GULP1: variants seen among roughly 807,000 people sequenced by gnomAD.
GULP1 encodes the protein PTB domain-containing engulfment adapter protein 1.
Under a neutral mutation model 40.9 loss-of-function variants are expected in GULP1, and 19 were observed. The observed-to-expected ratio is 0.46, with a 90% confidence interval of 0.32 to 0.68. The LOEUF (loss-of-function observed/expected upper bound fraction) is 0.68, where lower values mean the gene tolerates loss of function less well. GULP1 is among the 30% of genes least tolerant of loss of function. GULP1 has a pLI of 0.03. For missense variants in GULP1, 312 were observed against 362.2 expected (o/e 0.86, Z 1.12); for synonymous variants, 119 against 117.6 (o/e 1.01, Z -0.08).
At chr2:188,438,367 A>G (rs2057611527) in intron 2 of GULP1, among the ~76,000 whole-genome samples, 1 of 151,376 alleles carries the variant, frequency 6.6e-6, no homozygotes, top group African/African-American at 2.4e-5. Context: ...ATATAGATAT[A>G]TCACATGTAT....
chr2:188,350,468 C>T (rs1030462513), intron 1 of GULP1, among the ~76,000 whole-genome samples: 1 of 151,686 alleles, frequency 6.6e-6, no homozygotes, highest in Admixed American at 6.6e-5. Context: ...GAATGGTTTC[C>T]TTAATTTTAT....
chr2:188,447,341 C>G (rs1286689791), intron 2 of GULP1, among the ~76,000 whole-genome samples: 4 of 152,080 alleles, frequency 2.6e-5, no homozygotes, highest in Non-Finnish European at 4.4e-5. Context: ...ATCTTCCAGC[C>G]CCCATGATGG....
intron 2 of GULP1, among the ~76,000 whole-genome samples, chr2:188,468,222 G>T (rs2060288521): frequency 6.6e-6 from 1 of 152,020 alleles, no homozygotes; most frequent in Non-Finnish European, 1.5e-5. Context: ...TTTCTTTGAT[G>T]AAATTATTCA....
chr2:188,398,580 A>C (rs573925374), intron 2 of GULP1, among the ~76,000 whole-genome samples: 1 of 152,206 alleles, frequency 6.6e-6, no homozygotes, highest in Non-Finnish European at 1.5e-5. Context: ...TTATAAATTA[A>C]TTACTATTTG....
chr2:188,340,909 G>A (rs1028933040), intron 1 of GULP1, among the ~76,000 whole-genome samples: 12 of 152,198 alleles, frequency 7.9e-5, no homozygotes, highest in South Asian at 4.2e-4. Flanking sequence ...CCATCAAGCC[G>A]TCTCTCTGAA....
At chr2:188,406,203 C>A (rs2152684469) in intron 2 of GULP1, among the ~76,000 whole-genome samples, 1 of 152,182 alleles carries the variant, frequency 6.6e-6, no homozygotes, top group South Asian at 2.1e-4. Flanking sequence ...TATGGTATAG[C>A]CTATTGCTCC....
chr2:188,411,123 C>G (rs967348084), intron 2 of GULP1, among the ~76,000 whole-genome samples: 1 of 150,770 alleles, frequency 6.6e-6, no homozygotes, highest in Non-Finnish European at 1.5e-5. Flanking sequence ...ACTGGCTGAT[C>G]GGGGCATGGC....
rs111515565 is a variant in GULP1, at chr2:188,433,003, G to A, written c.-44-44656G>A. Among the ~76,000 whole-genome samples, 1,008 of 152,202 alleles carry A rather than the reference G, an allele frequency of 6.6e-3. 17 individuals carry two copies. The highest frequency in any genetic ancestry group is 0.023 in the African/African-American group (963 of 41,546). On this transcript the variant is annotated intron_variant, in intron 2 of 11. Coordinates refer to ENST00000409830, the MANE Select transcript of GULP1 (RefSeq NM_016315.4). ...AAAAATGTAAAAGATTGGGTCCAAA[G>A]AATGGGTTTTATCTTGACACCAGTA...
intron 8 of GULP1, chr2:188,569,786 AAC>A: frequency 2.6e-6 from 1 of 380,844 alleles, no homozygotes; most frequent in East Asian, 5.8e-5. Context: ...CCAACAAGAA[AAC>A]ACAATGTTGA....
chr2:188,363,700 G>A (rs1261460316), intron 1 of GULP1, among the ~76,000 whole-genome samples: 2 of 152,056 alleles, frequency 1.3e-5, no homozygotes, highest in African/African-American at 4.8e-5. Flanking sequence ...AGTAATTGTG[G>A]TTTTTGCCAT....
In GULP1 at chr2:188,584,275, T is replaced by C; in HGVS notation, c.620T>C (p.Met207Thr). ...TQVSAPPAGS[M>T]TPKSPSTDIF... Reference sequence around the variant, plus strand: ...TTATTTTCATTGCAGGCAGGCAGTATGACACCTAAGTCGCCCTCCACTGAC... The same window carrying C: ...TTATTTTCATTGCAGGCAGGCAGTACGACACCTAAGTCGCCCTCCACTGAC... The change falls in exon 10 of 12, where the codon ATG becomes ACG. Residue 207 changes from methionine (M) to threonine (T), a missense_variant. By Grantham distance (81) the Met-to-Thr change is moderately conservative. Transcript: ENST00000409830. 1 of 1,606,910 alleles carries C rather than the reference T, an allele frequency of 6.2e-7. No individual in the cohort carries two copies. The highest frequency in any genetic ancestry group is 8.5e-7 in the Non-Finnish European group (1 of 1,174,040).
chr2:188,534,043 C>T (rs557595166), intron 6 of GULP1, among the ~76,000 whole-genome samples: 7 of 152,062 alleles, frequency 4.6e-5, no homozygotes, highest in Non-Finnish European at 7.4e-5. Context: ...AATGTAAATT[C>T]GTTCAGCTGC....
chr2:188,471,189 T>C (rs1420549539), intron 2 of GULP1, among the ~76,000 whole-genome samples: 1 of 152,168 alleles, frequency 6.6e-6, no homozygotes, highest in African/African-American at 2.4e-5. Flanking sequence ...CTTTTTTGGT[T>C]TCTCTTGGCA....
At chr2:188,443,631 C>G (rs954379754) in intron 2 of GULP1, among the ~76,000 whole-genome samples, 12 of 151,826 alleles carry the variant, frequency 7.9e-5, no homozygotes, top group African/African-American at 2.9e-4. Flanking sequence ...CTATAAAATG[C>G]ATGTTTTGCT....
chr2:188,528,977 T>G (rs936018469), intron 5 of GULP1, 120 bp from the exon 6 acceptor site: 9 of 579,472 alleles, frequency 1.6e-5, no homozygotes, highest in Non-Finnish European at 2.1e-5. Context: ...TGCTTTATAC[T>G]TGGCAAAAAT....
intron 4 of GULP1, among the ~76,000 whole-genome samples, chr2:188,519,059 AT>A (rs2065468567): frequency 1.3e-5 from 2 of 152,206 alleles, no homozygotes; most frequent in South Asian, 4.1e-4. Context: ...AATTAAAAAA[AT>A]ACAGGAAGTA....
intron 1 of GULP1, among the ~76,000 whole-genome samples, chr2:188,328,819 G>A (rs2041131360): frequency 6.6e-6 from 1 of 151,828 alleles, no homozygotes; most frequent in South Asian, 2.1e-4. Flanking sequence ...GGCCTTACTT[G>A]GTTTATTCAT....
At chr2:188,478,312 A>G (rs529078794) in intron 3 of GULP1, among the ~76,000 whole-genome samples, 2 of 152,286 alleles carry the variant, frequency 1.3e-5, no homozygotes, top group South Asian at 4.1e-4. Flanking sequence ...TAATGGGCAG[A>G]AAAACATGGC....
chr2:188,320,420 A>T (rs2039794984), intron 1 of GULP1, among the ~76,000 whole-genome samples: 1 of 152,170 alleles, frequency 6.6e-6, no homozygotes, highest in African/African-American at 2.4e-5. Flanking sequence ...TGGAAAGAAT[A>T]TTCACTGATG....
Sources: allele counts gnomAD v4.1 joint callset (sites outside exome capture counted in the v4.1 genomes callset), GRCh38; gene constraint gnomAD v4.1.1; transcripts MANE v1.5; gene names NCBI Gene and HGNC (gene_info 2026-07-23, HGNC 2026-07-21).